Variants in ATRN observed in about 807,000 individuals in gnomAD.
ATRN encodes the protein attractin.
In ATRN, 54 loss-of-function variants were observed where a neutral mutation model predicts 178.7. The ratio of observed to expected loss-of-function variants is 0.30; its 90% CI spans 0.24 to 0.38. ATRN has a LOEUF of 0.38. ATRN is among the 10% of genes least tolerant of loss of function. ATRN has a pLI of 1.00. For synonymous variants in ATRN, 636 were observed against 663.0 expected (o/e 0.96, Z 0.63); for missense variants, 1,443 against 1,815.1 (o/e 0.79, Z 3.73).
chr20:3,619,407 G>A (rs1231985399), intron 24 of ATRN, among the ~76,000 whole-genome samples: 4 of 152,030 alleles, frequency 2.6e-5, no homozygotes, highest in African/African-American at 7.3e-5. Flanking sequence ...TTATCCTTCC[G>A]ACCAGAACGC....
intron 1 of ATRN, chr20:3,490,558 G>A (rs544175672): frequency 9.1e-5 from 99 of 1,087,306 alleles, no homozygotes; most frequent in Non-Finnish European, 1.4e-4. Flanking sequence ...CTTCTCAGAT[G>A]CCTTCACGTT....
chr20:3,495,965 A>G (rs1029677794), intron 1 of ATRN, among the ~76,000 whole-genome samples: 22 of 152,180 alleles, frequency 1.4e-4, no homozygotes, highest in Non-Finnish European at 3.2e-4. Flanking sequence ...GATGGAGGCT[A>G]GACTTCTGAA....
intron 1 of ATRN, among the ~76,000 whole-genome samples, chr20:3,483,831 A>C (rs1366565439): frequency 1.3e-5 from 2 of 152,176 alleles, no homozygotes; most frequent in African/African-American, 2.4e-5. Flanking sequence ...AGTTGAAGAG[A>C]TACAATTTCT....
At chr20:3,575,579 A>G (rs1022416791) in intron 12 of ATRN, among the ~76,000 whole-genome samples, 2 of 152,054 alleles carry the variant, frequency 1.3e-5, no homozygotes, top group African/African-American at 2.4e-5. Context: ...TATATCTTAC[A>G]GTTGTTAAAT....
chr20:3,512,678 G>A (rs1162226470), intron 1 of ATRN, among the ~76,000 whole-genome samples: 3 of 152,042 alleles, frequency 2.0e-5, no homozygotes, highest in African/African-American at 4.8e-5. Flanking sequence ...CTGAGGAATC[G>A]CCACACTGAC....
rs781359050 is a variant in ATRN at position 3,545,769 on chromosome 20, A to G, written c.616A>G (p.Ile206Val). ...APLVAAFSGL[I>V]VPERDGNETV... The stretch of plus-strand genomic sequence containing the variant: ...AGTGTGTTTTCATTTCAGTGGCCTC[A>G]TTGTTCCTGAGAGAGATGGCAATGA... The change falls in exon 4 of 29, where the codon ATT (isoleucine) becomes GTT (valine). Residue 206 changes from isoleucine (I) to valine (V), a missense_variant. Around this residue, in one of 4 missense-constraint regions of ATRN, gnomAD observed 862 missense variants for 972.1 expected, o/e 0.89. Transcript: ENST00000262919. 1.9e-6 allele frequency: 3 copies of G among 1,613,800 alleles called. No homozygotes were observed. In the South Asian group the frequency reaches 3.3e-5, roughly 18 times the overall value.
intron 19 of ATRN, 32 bp downstream of exon 19, chr20:3,591,338 A>C (rs775519241): frequency 1.2e-6 from 2 of 1,606,332 alleles, no homozygotes; most frequent in Non-Finnish European, 1.7e-6. Flanking sequence ...TACTCATGGC[A>C]AATCGGTGTG....
chr20:3,577,694 A>G (rs1568741318), intron 14 of ATRN, among the ~76,000 whole-genome samples: 1 of 152,184 alleles, frequency 6.6e-6, no homozygotes, highest in East Asian at 1.9e-4. Flanking sequence ...TCTATATCTC[A>G]GTGTGTCTCA....
chr20:3,580,213 A>T (rs1347754741), intron 15 of ATRN, among the ~76,000 whole-genome samples: 1 of 152,106 alleles, frequency 6.6e-6, no homozygotes, highest in Admixed American at 6.6e-5. Flanking sequence ...CAGAAAATGG[A>T]TGGCACCCAG....
chr20:3,525,432 C>T (rs2085350656), intron 1 of ATRN, among the ~76,000 whole-genome samples: 1 of 152,098 alleles, frequency 6.6e-6, no homozygotes, highest in Admixed American at 6.5e-5. Context: ...AAAAAAAGCC[C>T]AGGCCCAGAC....
At position 3,498,590 on chromosome 20, in the gene ATRN, T is replaced by C. The variant is rs567432343; in HGVS notation, c.410+27073T>C. Among the ~76,000 whole-genome samples, 215 of 152,272 alleles carry C rather than the reference T, an allele frequency of 1.4e-3. 3 individuals are homozygous for C. Among genetic ancestry groups the C allele is most frequent in the Non-Finnish European group, 1.0e-4 (7 of 68,024 alleles). On this transcript the variant is annotated intron_variant, in intron 1 of 28. Transcript: ENST00000262919. Reference sequence around the variant, plus strand: ...GAACCAAAGACAAAAACCACATGATTATCTCAATAGATGCAGAAAAGGCCT... The same window carrying C: ...GAACCAAAGACAAAAACCACATGATCATCTCAATAGATGCAGAAAAGGCCT...
At position 3,647,558 on chromosome 20, in the gene ATRN, C is replaced by G. The variant is rs1015022925; in HGVS notation, c.*711C>G. On this transcript the variant is annotated 3_prime_UTR_variant, in exon 29 of 29. Transcript: ENST00000262919. ...CATTTGAAACTCTCTCTTCCTTTCT[C>G]TCTGCCTGTCCCTCTCCTTCTCCAT... 1 of 152,202 alleles carries G rather than the reference C, an allele frequency of 6.6e-6. No homozygotes were observed. Among genetic ancestry groups the G allele is most frequent in the Non-Finnish European group, 1.5e-5 (1 of 68,030 alleles). 9.4% of individuals were successfully genotyped at this position (152,202 alleles called of 1,614,324 possible). A position where few individuals can be genotyped will look rare whatever the true frequency, so the allele number is the denominator to read the frequency against.
chr20:3,563,360 ATT>A lies in ATRN; in HGVS notation c.1784_1785del (p.Ile595SerfsTer3). Reference protein sequence around the residue: ...CFSSDFMAYDIACDRWSVLPR... With the variant: ...CFSSDFMAYDXACDRWSVLPR... ...CTCTTCAGATTTCATGGCCTATGACATTGGTAAGTTTCCCAAAACCATTTTCT... is the reference window on the plus strand; with the variant it reads ...CTCTTCAGATTTCATGGCCTATGACAGGTAAGTTTCCCAAAACCATTTTCT... On this transcript the variant is annotated frameshift_variant and splice_region_variant, in exon 10 of 29. Coordinates refer to ENST00000262919, the MANE Select transcript of ATRN (RefSeq NM_139321.3). LOFTEE classifies it high-confidence loss of function. The A allele has an allele frequency of 6.2e-7, 1 of 1,611,956 alleles. No individual in the cohort carries two copies. Among genetic ancestry groups the A allele is most frequent in the Non-Finnish European group, 8.5e-7 (1 of 1,178,582 alleles).
chr20:3,616,948 C>T (rs999371786), intron 24 of ATRN, among the ~76,000 whole-genome samples: 1 of 87,842 alleles, frequency 1.1e-5, no homozygotes, highest in Non-Finnish European at 2.4e-5. Context: ...TGGCAAGGAT[C>T]GCATTTTTAT....
chr20:3,547,489 G>GGTA lies in ATRN; in HGVS notation c.943+2_943+4dup, dbSNP rs2085722905. 1.9e-6 allele frequency: 3 copies of GGTA among 1,604,314 alleles called. No homozygotes were observed. Among genetic ancestry groups the GGTA allele is most frequent in the Non-Finnish European group, 2.6e-6 (3 of 1,175,536 alleles). ...ATGCTCCTGCTTCTCAGACTGGCAG[G>GGTA]GTAGGAGCTTCTTTCATTTTTATTT... On this transcript the variant is annotated inframe_insertion and splice_region_variant. Coordinates refer to ENST00000262919, the MANE Select transcript of ATRN (RefSeq NM_139321.3).
chr20:3,550,005 A>G (rs2085764013), intron 6 of ATRN, among the ~76,000 whole-genome samples: 2 of 152,168 alleles, frequency 1.3e-5, no homozygotes, highest in African/African-American at 2.4e-5. Flanking sequence ...GTCTAGCAAA[A>G]TCAGAGAAAC....
intron 1 of ATRN, chr20:3,489,794 G>A: frequency 3.9e-6 from 5 of 1,288,748 alleles, no homozygotes; most frequent in Non-Finnish European, 5.6e-6. Context: ...CTTGGTAGGT[G>A]TAGTTTCCAC....
chr20:3,524,363 A>G (rs1377963295), intron 1 of ATRN, among the ~76,000 whole-genome samples: 1 of 152,224 alleles, frequency 6.6e-6, no homozygotes, highest in African/African-American at 2.4e-5. Flanking sequence ...AAGAAGAGCT[A>G]GCTATGCTAA....
intron 6 of ATRN, among the ~76,000 whole-genome samples, chr20:3,558,203 TTC>T (rs1005779210): frequency 1.3e-5 from 2 of 152,194 alleles, no homozygotes; most frequent in Admixed American, 6.5e-5. Context: ...TTAATAAATT[TTC>T]TGTTTTTAGT....
Sources: allele counts gnomAD v4.1 joint callset (sites outside exome capture counted in the v4.1 genomes callset), GRCh38; gene constraint gnomAD v4.1.1; regional missense constraint gnomAD v4.1.1; transcripts MANE v1.5; gene names NCBI Gene and HGNC (gene_info 2026-07-23, HGNC 2026-07-21).